Variants in PIEZO2 observed in about 807,000 individuals in gnomAD.
PIEZO2 encodes piezo-type mechanosensitive ion channel component 2.
PIEZO2 carries 172 observed loss-of-function variants against 337.3 expected under a neutral mutation model. The observed-to-expected ratio is 0.51, with a 90% confidence interval of 0.45 to 0.58. The LOEUF (loss-of-function observed/expected upper bound fraction) is 0.58. Among genes scored for constraint, PIEZO2 ranks in the 20% least tolerant of loss-of-function variants. PIEZO2 has a pLI of 0.00. For synonymous variants in PIEZO2, 1,251 were observed against 1,228.5 expected (o/e 1.02, Z -0.38); for missense variants, 3,028 against 3,391.3 (o/e 0.89, Z 2.66).
At chr18:10,944,207 G>A (rs2032882375) in intron 3 of PIEZO2, among the ~76,000 whole-genome samples, 1 of 151,672 alleles carries the variant, frequency 6.6e-6, no homozygotes, top group Non-Finnish European at 1.5e-5. Context: ...CATCAGTTTG[G>A]GCACAAGTGA....
Position 10,855,352 on chromosome 18 carries a change from C to T in PIEZO2, c.917+1G>A. On this transcript the variant is annotated splice_donor_variant, in intron 7 of 55. Coordinates refer to ENST00000674853, the MANE Select transcript of PIEZO2 (RefSeq NM_001378183.1). LOFTEE classifies it high-confidence loss of function. The surrounding 1 kb of genome is among the most constrained non-coding windows in gnomAD (Gnocchi z 4.9). Reference sequence around the variant, plus strand: ...GGAAATGCCATAAGGATTTCTCTTACCTTGCATAGTAGTCATTGGGTGGAA... The same window carrying T: ...GGAAATGCCATAAGGATTTCTCTTATCTTGCATAGTAGTCATTGGGTGGAA... 1 of 1,530,280 alleles carries T rather than the reference C, an allele frequency of 6.5e-7. No individual in the cohort carries two copies. The highest frequency in any genetic ancestry group is 8.8e-7 in the Non-Finnish European group (1 of 1,140,668). 94.8% of individuals were successfully genotyped at this position (1,530,280 alleles called of 1,614,324 possible).
chr18:10,689,736 A>G lies in PIEZO2; in HGVS notation c.7416T>C (p.Thr2472=). ...CACAGATCCAGCTGGACAGGCTCAA[A>G]GTTGTGTCCGTCCACACCCAGTCCA... The part of the protein sequence containing the change: ...AVMDWVWTDT[T]LSLSSWICVE... The change falls in exon 49 of 56, where the codon ACT becomes ACC. Residue 2472 remains threonine (T), a synonymous_variant. Transcript: ENST00000674853. The G allele has an allele frequency of 6.2e-7, 1 of 1,614,214 alleles. No homozygotes were observed. Among genetic ancestry groups the G allele is most frequent in the Non-Finnish European group, 8.5e-7 (1 of 1,180,022 alleles).
intron 7 of PIEZO2, among the ~76,000 whole-genome samples, chr18:10,844,706 G>A (rs373693432): frequency 4.7e-5 from 7 of 150,372 alleles, no homozygotes; most frequent in East Asian, 2.0e-4. Flanking sequence ...GGAGAATGGC[G>A]TGAACCTGGG....
intron 7 of PIEZO2, among the ~76,000 whole-genome samples, chr18:10,822,451 G>T (rs1442459829): frequency 6.6e-6 from 1 of 152,164 alleles, no homozygotes; most frequent in Non-Finnish European, 1.5e-5. Flanking sequence ...ATACCTTTGA[G>T]AAAACACTGA....
In PIEZO2 at chr18:11,109,236, G is replaced by C. The variant is rs1267583706; in HGVS notation, c.64+39289C>G. 6.6e-6 allele frequency among the ~76,000 whole-genome samples: 1 copy of C among 152,164 alleles called. No homozygotes were observed. The highest frequency in any genetic ancestry group is 1.5e-5 in the Non-Finnish European group (1 of 68,032). ...CTGGAGATTTTATTAGCACTTTATG[G>C]TCCACATGATCATTTAAGGAGGGTA... On this transcript the variant is annotated intron_variant, in intron 1 of 55. Coordinates refer to ENST00000674853, the MANE Select transcript of PIEZO2 (RefSeq NM_001378183.1). This position sits in a 1 kb window ranked among gnomAD's most constrained non-coding sequence, Gnocchi z 5.1.
In PIEZO2 at chr18:10,671,271, T is replaced by G; in HGVS notation, c.*256A>C. ...GATTCCTTCACATGATCAATCAGAA[T>G]GCGAGACACTGTTGACTAAAACATA... On this transcript the variant is annotated 3_prime_UTR_variant, in exon 56 of 56. Transcript: ENST00000674853. The G allele has an allele frequency of 2.9e-6, 1 of 346,286 alleles. No homozygotes were observed. Among genetic ancestry groups the G allele is most frequent in the Non-Finnish European group, 5.3e-6 (1 of 188,836 alleles). 21.5% of individuals were successfully genotyped at this position (346,286 alleles called of 1,614,324 possible).
intron 1 of PIEZO2, among the ~76,000 whole-genome samples, chr18:11,124,683 C>A (rs931158029): frequency 5.3e-5 from 8 of 152,064 alleles, no homozygotes; most frequent in Non-Finnish European, 1.0e-4. Flanking sequence ...GGGTTCAAGC[C>A]CCAGGATGAG....
rs976643198 is a variant in PIEZO2, at chr18:10,767,823, A to G, written c.2946+2325T>C. 6.6e-6 allele frequency among the ~76,000 whole-genome samples: 1 copy of G among 152,178 alleles called. No homozygotes were observed. The highest frequency in any genetic ancestry group is 6.5e-5 in the Admixed American group (1 of 15,288). ...AGTCCAGGAGGAGAAGGTGCTGGCA[A>G]CCAGGGGCTGGGTGTCAGTGCCGGC... On this transcript the variant is annotated intron_variant, in intron 21 of 55. Transcript: ENST00000674853. The surrounding 1 kb of genome is among the most constrained non-coding windows in gnomAD (Gnocchi z 4.2).
At position 11,097,082 on chromosome 18, in the gene PIEZO2, G is replaced by A. The variant is rs1050819498; in HGVS notation, c.65-30860C>T. Among the ~76,000 whole-genome samples the A allele has an allele frequency of 4.6e-5, 7 of 152,100 alleles. No individual in the cohort carries two copies. Among genetic ancestry groups the A allele is most frequent in the African/African-American group, 1.7e-4 (7 of 41,426 alleles). On this transcript the variant is annotated intron_variant, in intron 1 of 55. Transcript: ENST00000674853. The surrounding 1 kb of genome is among the most constrained non-coding windows in gnomAD (Gnocchi z 5.0). Reference sequence around the variant, plus strand: ...GTGTAGGACGATCTTTTGTATACAAGGCAATTTCATCCTCTCCTTGGAAAT... The same window carrying A: ...GTGTAGGACGATCTTTTGTATACAAAGCAATTTCATCCTCTCCTTGGAAAT...
intron 36 of PIEZO2, chr18:10,725,086 C>G: frequency 6.6e-7 from 1 of 1,507,504 alleles, no homozygotes; most frequent in Non-Finnish European, 9.2e-7. Flanking sequence ...CAAGTTCTTT[C>G]AGTCGCATTA....
intron 52 of PIEZO2, among the ~76,000 whole-genome samples, chr18:10,679,370 G>C (rs1389116658): frequency 2.0e-5 from 3 of 152,072 alleles, no homozygotes; most frequent in Non-Finnish European, 4.4e-5. Context: ...AGAACTCACT[G>C]TCAGCCTCTC....
chr18:10,946,396 A>G (rs2033022920), intron 3 of PIEZO2, among the ~76,000 whole-genome samples: 2 of 152,196 alleles, frequency 1.3e-5, no homozygotes, highest in Admixed American at 1.3e-4. Context: ...TCAAAAATGA[A>G]AGGGATGACC....
intron 17 of PIEZO2, among the ~76,000 whole-genome samples, chr18:10,782,997 A>G (rs1328887778): frequency 6.6e-6 from 1 of 152,166 alleles, no homozygotes; most frequent in Non-Finnish European, 1.5e-5. Flanking sequence ...ATGGTGAATT[A>G]TATCTCTGTT....
chr18:10,776,290 A>C (rs1477796081), intron 18 of PIEZO2, among the ~76,000 whole-genome samples: 1 of 152,308 alleles, frequency 6.6e-6, no homozygotes, highest in Middle Eastern at 3.4e-3. Flanking sequence ...TATTTATAGG[A>C]GGTTGTAAAA....
intron 7 of PIEZO2, among the ~76,000 whole-genome samples, chr18:10,845,215 AAC>A (rs747507691): frequency 3.3e-5 from 4 of 121,084 alleles, no homozygotes; most frequent in African/African-American, 6.1e-5. Flanking sequence ...TATATATATA[AAC>A]ACACACACAC....
intron 18 of PIEZO2, among the ~76,000 whole-genome samples, chr18:10,778,079 A>G (rs2038849855): frequency 6.6e-6 from 1 of 152,194 alleles, no homozygotes; most frequent in African/African-American, 2.4e-5. Flanking sequence ...TCAACTCTTA[A>G]GTTGAATTGT....
At chr18:10,897,312 G>A (rs1050660671) in intron 4 of PIEZO2, among the ~76,000 whole-genome samples, 7 of 151,964 alleles carry the variant, frequency 4.6e-5, no homozygotes, top group Admixed American at 2.0e-4. Context: ...TCAGCCTCCC[G>A]AGTAGCTGGT....
At chr18:10,836,075 T>C (rs915866909) in intron 7 of PIEZO2, among the ~76,000 whole-genome samples, 1 of 152,188 alleles carries the variant, frequency 6.6e-6, no homozygotes, top group Non-Finnish European at 1.5e-5. Context: ...CAGTTTGTGA[T>C]GATTCCCCCA....
chr18:10,874,262 C>T (rs116764002), intron 4 of PIEZO2, among the ~76,000 whole-genome samples: 2,095 of 151,880 alleles, frequency 0.014, 54 homozygotes, highest in African/African-American at 0.048. Flanking sequence ...AAAACCACAA[C>T]GAGTTATCCT....
Sources: allele counts gnomAD v4.1 joint callset (sites outside exome capture counted in the v4.1 genomes callset), GRCh38; gene constraint gnomAD v4.1.1; non-coding constraint Gnocchi (gnomAD v3.1); transcripts MANE v1.5; gene names NCBI Gene and HGNC (gene_info 2026-07-23, HGNC 2026-07-21).